The following RYR2 variants were observed in gnomAD, a reference collection of about 807,000 sequenced individuals.
RYR2 encodes the protein cardiac muscle ryanodine receptor-calcium release channel.
A neutral mutation model predicts 601.1 loss-of-function variants in RYR2; 227 were observed. That is an observed-to-expected ratio of 0.38 (90% CI 0.34 to 0.42). The LOEUF (loss-of-function observed/expected upper bound fraction) is 0.42. RYR2 is among the 10% of genes least tolerant of loss of function. The pLI is 1.00. For missense variants in RYR2, 4,646 were observed against 6,156.5 expected (o/e 0.75, Z 8.21); for synonymous variants, 2,223 against 2,175.1 (o/e 1.02, Z -0.61).
chr1:237,605,444 T>G (rs1677010199), intron 35 of RYR2, among the ~76,000 whole-genome samples: 1 of 152,184 alleles, frequency 6.6e-6, no homozygotes, highest in African/African-American at 2.4e-5. Flanking sequence ...GAGCTATTTA[T>G]GACAAACCCA....
chr1:237,103,761 G>T (rs1358672399), intron 1 of RYR2, among the ~76,000 whole-genome samples: 1 of 152,132 alleles, frequency 6.6e-6, no homozygotes, highest in Non-Finnish European at 1.5e-5. Context: ...TAGAGACAGG[G>T]TTTTACCATG....
At chr1:237,795,258 C>G in intron 95 of RYR2, 31 bp from the exon 96 acceptor site, 2 of 1,061,234 alleles carry the variant, frequency 1.9e-6, no homozygotes, top group Admixed American at 2.9e-5. Context: ...AAAAATAATA[C>G]TATTTACTTC....
At chr1:237,127,300 T>C (rs1425132756) in intron 1 of RYR2, among the ~76,000 whole-genome samples, 5 of 151,954 alleles carry the variant, frequency 3.3e-5, no homozygotes, top group Admixed American at 2.0e-4. Context: ...AGCTGTTGGG[T>C]ACACCTCCCA....
At chr1:237,389,998 T>C (rs375667421) in intron 10 of RYR2, among the ~76,000 whole-genome samples, 3 of 152,306 alleles carry the variant, frequency 2.0e-5, no homozygotes, top group African/African-American at 7.2e-5. Flanking sequence ...GGGCTGAGGA[T>C]GGATTCCTAC....
intron 8 of RYR2, among the ~76,000 whole-genome samples, chr1:237,383,637 G>C (rs1172281310): frequency 6.6e-6 from 1 of 151,818 alleles, no homozygotes; most frequent in Admixed American, 6.6e-5. Context: ...CACCGTGTTG[G>C]CCAGGATGGT....
chr1:237,347,069 A>G (rs889512593), intron 3 of RYR2, among the ~76,000 whole-genome samples: 2 of 152,142 alleles, frequency 1.3e-5, no homozygotes, highest in African/African-American at 4.8e-5. Context: ...GCTCACACCT[A>G]TAATCCTAGC....
At chr1:237,750,018 C>T (rs758996107) in intron 80 of RYR2, among the ~76,000 whole-genome samples, 18 of 151,782 alleles carry the variant, frequency 1.2e-4, no homozygotes, top group South Asian at 2.1e-4. Context: ...TGGTGGCGGG[C>T]GCCTGTAATC....
At chr1:237,569,392 C>G (rs537138439) in intron 29 of RYR2, 73 bp downstream of exon 29, 9 of 1,470,728 alleles carry the variant, frequency 6.1e-6, no homozygotes, top group Non-Finnish European at 7.4e-6. Flanking sequence ...GCTTCCTAAC[C>G]GGGCGTTTCT....
intron 2 of RYR2, among the ~76,000 whole-genome samples, chr1:237,315,371 GT>G (rs1270058675): frequency 6.6e-6 from 1 of 151,792 alleles, no homozygotes; most frequent in Non-Finnish European, 1.5e-5. Flanking sequence ...CCATCATCAA[GT>G]TTTTACATTA....
rs2808225 is a variant in RYR2, at chr1:237,330,554, C to A, written c.169-324C>A. ...AGGCTTGTGCCGCTGCGTCTGGCTA[C>A]TTTTTGTATTTTTAGTAGAGATGGG... On this transcript the variant is annotated intron_variant, in intron 2 of 104. Coordinates refer to ENST00000366574, the MANE Select transcript of RYR2 (RefSeq NM_001035.3). Among the ~76,000 whole-genome samples, 74,615 of 151,930 alleles carry A rather than the reference C, an allele frequency of 0.49. 19,881 individuals carry two copies. The highest frequency in any genetic ancestry group is 0.71 in the African/African-American group (29,599 of 41,498).
Position 237,778,751 on chromosome 1 carries a change from T to C in RYR2, c.11861T>C (p.Met3954Thr). ...GGCTTTCTTCATGTGTTTGCCCATA[T>C]GCAGATGAAGCTGTCGCAGGTAAAC... ...VVGFLHVFAH[M>T]QMKLSQDSSQ... The change falls in exon 88 of 105, where the codon ATG becomes ACG. Residue 3954 changes from methionine to threonine, a missense_variant. Met to Thr is a moderately conservative substitution (Grantham distance 81, BLOSUM62 -1). Around this residue, in one of 17 missense-constraint regions of RYR2, gnomAD observed 90 missense variants for 213.3 expected, o/e 0.42. Transcript: ENST00000366574. The C allele has an allele frequency of 6.2e-7, 1 of 1,603,938 alleles. No individual in the cohort carries two copies. Among genetic ancestry groups the C allele is most frequent in the Non-Finnish European group, 8.5e-7 (1 of 1,170,918 alleles).
chr1:237,327,557 C>T (rs1354099905), intron 2 of RYR2, among the ~76,000 whole-genome samples: 2 of 152,120 alleles, frequency 1.3e-5, no homozygotes, highest in African/African-American at 2.4e-5. Flanking sequence ...CTTGACAATA[C>T]TGGAACATTT....
At chr1:237,099,044 C>A (rs1453377868) in intron 1 of RYR2, among the ~76,000 whole-genome samples, 8 of 152,058 alleles carry the variant, frequency 5.3e-5, no homozygotes, top group African/African-American at 1.9e-4. Flanking sequence ...AAGCCACCTT[C>A]TCCCGATAAA....
intron 24 of RYR2, 43 bp downstream of exon 24, chr1:237,511,834 GAA>G (rs71561879): frequency 0.013 from 2,472 of 185,054 alleles, no homozygotes; most frequent in East Asian, 0.025. Flanking sequence ...TGCCTTCCCT[GAA>G]AAAAAAAAAA....
At chr1:237,392,068 T>G (rs1230159950) in intron 10 of RYR2, among the ~76,000 whole-genome samples, 2 of 152,122 alleles carry the variant, frequency 1.3e-5, no homozygotes, top group Non-Finnish European at 2.9e-5. Context: ...ATAGTAGTTG[T>G]GAGCAGTCAG....
rs1695518423 is a variant in RYR2 at position 237,786,003 on chromosome 1, A to C, written c.13295A>C (p.Lys4432Thr). The C allele has an allele frequency of 6.3e-7, 1 of 1,592,562 alleles. No homozygotes were observed. The highest frequency in any genetic ancestry group is 1.3e-5 in the African/African-American group (1 of 74,546). The change falls in exon 91 of 105, where the codon AAA (lysine) becomes ACA (threonine). Residue 4432 changes from lysine to threonine, a missense_variant. Physicochemically the swap from Lys to Thr is moderately conservative, Grantham distance 78. Coordinates refer to ENST00000366574, the MANE Select transcript of RYR2 (RefSeq NM_001035.3). ...QKAKEEEKEE[K>T]EETKSEPEKA... ...GCAAAAGAAGAAGAAAAGGAAGAAA[A>C]AGAAGAAACCAAATCTGAACCTGAA...
chr1:237,565,100 CTTTTCTTTCTTTCT>C (rs1336112285), intron 27 of RYR2, among the ~76,000 whole-genome samples: 1 of 137,328 alleles, frequency 7.3e-6, no homozygotes, highest in Non-Finnish European at 1.6e-5. Flanking sequence ...CTTCTCTTTT[CTTTTCTTTCTTTCT>C]TTTTCTTTCT....
At chr1:237,412,874 G>A (rs759277097) in intron 10 of RYR2, among the ~76,000 whole-genome samples, 6 of 152,046 alleles carry the variant, frequency 3.9e-5, no homozygotes, top group Non-Finnish European at 8.8e-5. Flanking sequence ...GTTCAAAGTT[G>A]GTAATACCAT....
intron 1 of RYR2, among the ~76,000 whole-genome samples, chr1:237,058,915 C>T (rs941680152): frequency 1.3e-5 from 2 of 152,106 alleles, no homozygotes. Flanking sequence ...ATATCTACTG[C>T]TTATTGAACA....
Sources: allele counts gnomAD v4.1 joint callset (sites outside exome capture counted in the v4.1 genomes callset), GRCh38; gene constraint gnomAD v4.1.1; regional missense constraint gnomAD v4.1.1; transcripts MANE v1.5; gene names NCBI Gene and HGNC (gene_info 2026-07-23, HGNC 2026-07-21).